PEBP4: variants seen among roughly 807,000 people sequenced by gnomAD.
PEBP4 encodes the protein phosphatidylethanolamine-binding protein 4.
A neutral mutation model predicts 23.9 loss-of-function variants in PEBP4; 22 were observed. The observed-to-expected ratio is 0.92, with a 90% CI of 0.66 to 1.31. The LOEUF (loss-of-function observed/expected upper bound fraction) is 1.31. Ranked by LOEUF, PEBP4 falls within the 40% of genes most tolerant of loss-of-function variation. The pLI, the probability that PEBP4 is intolerant of heterozygous loss-of-function variation, is 0.00. For missense variants in PEBP4, 324 were observed against 281.7 expected (o/e 1.15, Z -1.07); for synonymous variants, 112 against 99.3 (o/e 1.13, Z -0.76).
At position 22,865,219 on chromosome 8, in the gene PEBP4, G is replaced by C. The variant is rs1807861847; in HGVS notation, c.259-47484C>G. 6.6e-6 allele frequency among the ~76,000 whole-genome samples: 1 copy of C among 152,172 alleles called. No homozygotes were observed. Among genetic ancestry groups the C allele is most frequent in the South Asian group, 2.1e-4 (1 of 4,830 alleles). On this transcript the variant is annotated intron_variant, in intron 3 of 6. Coordinates refer to ENST00000256404, the MANE Select transcript of PEBP4 (RefSeq NM_144962.3). This position sits in a 1 kb window ranked among gnomAD's most constrained non-coding sequence, Gnocchi z 6.9. ...CAATGCCATTTCTGAAACAGCCTGG[G>C]GGGCGGCGGGAGGGGGAGGGAAGGT...
chr8:22,717,886 C>A (rs1407091376), intron 6 of PEBP4, among the ~76,000 whole-genome samples: 1 of 152,136 alleles, frequency 6.6e-6, no homozygotes, highest in Non-Finnish European at 1.5e-5. Context: ...TCTGGCTCGT[C>A]ACGGGACCGG....
At chr8:22,915,130 C>T (rs1396167826) in intron 3 of PEBP4, among the ~76,000 whole-genome samples, 7 of 152,106 alleles carry the variant, frequency 4.6e-5, no homozygotes, top group African/African-American at 1.7e-4. Flanking sequence ...ACCTTTTAAG[C>T]CCAGCCCATG....
intron 3 of PEBP4, among the ~76,000 whole-genome samples, chr8:22,863,277 C>T (rs1345726812): frequency 6.6e-6 from 1 of 152,166 alleles, no homozygotes; most frequent in Non-Finnish European, 1.5e-5. Context: ...CTCATGCTCC[C>T]TTCCTCTCTG....
chr8:22,826,028 G>A (rs914752532), intron 3 of PEBP4, among the ~76,000 whole-genome samples: 10 of 152,176 alleles, frequency 6.6e-5, no homozygotes, highest in Non-Finnish European at 1.5e-4. Flanking sequence ...CAGGGTTGGC[G>A]TGGGGTGGTG....
chr8:22,842,233 C>T (rs866475589), intron 3 of PEBP4, among the ~76,000 whole-genome samples: 53 of 152,270 alleles, frequency 3.5e-4, no homozygotes, highest in African/African-American at 1.2e-3. Flanking sequence ...CTCTTTAAAA[C>T]GTTTGGAGAA....
At chr8:22,836,469 A>G (rs1807207286) in intron 3 of PEBP4, among the ~76,000 whole-genome samples, 1 of 152,244 alleles carries the variant, frequency 6.6e-6, no homozygotes, top group African/African-American at 2.4e-5. Context: ...TGCTACAAAC[A>G]TATACTTGTT....
At chr8:22,788,310 G>A (rs1367007136) in intron 4 of PEBP4, among the ~76,000 whole-genome samples, 1 of 152,072 alleles carries the variant, frequency 6.6e-6, no homozygotes, top group Non-Finnish European at 1.5e-5. Flanking sequence ...CTGCCAGGGG[G>A]ACAAAGAAGG....
chr8:22,825,900 G>A lies in PEBP4; in HGVS notation c.259-8165C>T, dbSNP rs1806956975. ...GTTGGTGACAACGTGGATAAACCTT[G>A]AGGTTATTATGCTAAGTGAAACAAG... On this transcript the variant is annotated intron_variant, in intron 3 of 6. Coordinates refer to ENST00000256404, the MANE Select transcript of PEBP4 (RefSeq NM_144962.3). Among the ~76,000 whole-genome samples the A allele has an allele frequency of 2.6e-5, 4 of 152,218 alleles. No individual in the cohort carries two copies. In the South Asian group the frequency reaches 8.3e-4, roughly 32 times the overall value.
chr8:22,839,048 GA>G (rs992900625), intron 3 of PEBP4, among the ~76,000 whole-genome samples: 41 of 151,590 alleles, frequency 2.7e-4, no homozygotes, highest in African/African-American at 6.3e-4. Context: ...GCTTTTATGA[GA>G]AAAAAAAAGT....
chr8:22,815,300 C>A (rs1056790691), intron 4 of PEBP4, among the ~76,000 whole-genome samples: 2 of 152,176 alleles, frequency 1.3e-5, no homozygotes, highest in African/African-American at 4.8e-5. Flanking sequence ...AGCCAGAATG[C>A]CGTGTTCTCC....
intron 6 of PEBP4, 56 bp downstream of exon 6, chr8:22,724,787 T>A: frequency 1.4e-6 from 2 of 1,393,246 alleles, no homozygotes; most frequent in South Asian, 2.3e-5. Context: ...GCCTGAAGCG[T>A]TTGTTCCACC....
intron 4 of PEBP4, among the ~76,000 whole-genome samples, chr8:22,797,777 T>A (rs1479731401): frequency 6.6e-6 from 1 of 152,032 alleles, no homozygotes; most frequent in Non-Finnish European, 1.5e-5. Context: ...TGACTTTGAG[T>A]CAAATTGTTC....
intron 3 of PEBP4, among the ~76,000 whole-genome samples, chr8:22,912,013 G>C (rs542191050): frequency 4.2e-4 from 64 of 152,256 alleles, no homozygotes; most frequent in South Asian, 1.9e-3. Flanking sequence ...AGATCTATCG[G>C]ACTGGGGGTG....
At chr8:22,866,976 C>T (rs1807916871) in intron 3 of PEBP4, among the ~76,000 whole-genome samples, 1 of 151,982 alleles carries the variant, frequency 6.6e-6, no homozygotes, top group South Asian at 2.1e-4. Context: ...TGCAAAGGAT[C>T]GGCAGGAGCA....
intron 3 of PEBP4, among the ~76,000 whole-genome samples, chr8:22,875,163 C>G (rs866678621): frequency 6.6e-6 from 1 of 152,034 alleles, no homozygotes; most frequent in African/African-American, 2.4e-5. Flanking sequence ...TTTTCGCCCC[C>G]GAGACTCAGG....
intron 3 of PEBP4, among the ~76,000 whole-genome samples, chr8:22,904,499 G>A (rs1351195208): frequency 1.3e-5 from 2 of 152,054 alleles, no homozygotes; most frequent in African/African-American, 2.4e-5. Flanking sequence ...TCCTCTTAGC[G>A]TTCACCCCCC....
At chr8:22,906,901 G>GA (rs1284569492) in intron 3 of PEBP4, among the ~76,000 whole-genome samples, 2 of 152,120 alleles carry the variant, frequency 1.3e-5, no homozygotes, top group African/African-American at 2.4e-5. Context: ...GTAAAAAAAA[G>GA]AAAAAATGAT....
chr8:22,832,886 C>T (rs934792230), intron 3 of PEBP4, among the ~76,000 whole-genome samples: 3 of 151,958 alleles, frequency 2.0e-5, no homozygotes, highest in Non-Finnish European at 2.9e-5. Flanking sequence ...ACAGCCCCCA[C>T]CCTCACCCAT....
chr8:22,819,583 A>C (rs1457947754), intron 3 of PEBP4, among the ~76,000 whole-genome samples: 1 of 151,936 alleles, frequency 6.6e-6, no homozygotes, highest in Non-Finnish European at 1.5e-5. Context: ...AGGAAAGAAG[A>C]GTCAAGATTG....
Sources: gnomAD v4.1 joint callset for allele counts (sites outside exome capture counted in the v4.1 genomes callset) on GRCh38, gnomAD v4.1.1 for gene constraint, Gnocchi (gnomAD v3.1) non-coding constraint, MANE v1.5 for transcripts, NCBI Gene and HGNC (gene_info 2026-07-23, HGNC 2026-07-21) for gene names.